The following GATAD2B variants were observed in gnomAD, a reference collection of about 807,000 sequenced individuals.
GATAD2B encodes the protein GATA zinc finger domain containing 2B.
In GATAD2B, 8 loss-of-function variants were observed where a neutral mutation model predicts 64.3. That is an observed-to-expected ratio of 0.12 (90% CI 0.07 to 0.22). The LOEUF (loss-of-function observed/expected upper bound fraction) is 0.22, where lower values mean the gene tolerates loss of function less well. Among genes scored for constraint, GATAD2B ranks in the 10% least tolerant of loss-of-function variants. The pLI, the probability that GATAD2B is intolerant of heterozygous loss-of-function variation, is 1.00. For synonymous variants in GATAD2B, 281 were observed against 271.3 expected (o/e 1.04, Z -0.35); for missense variants, 453 against 752.0 (o/e 0.60, Z 4.65).
At chr1:153,893,881 C>T (rs1677496344) in intron 1 of GATAD2B, among the ~76,000 whole-genome samples, 1 of 140,480 alleles carries the variant, frequency 7.1e-6, no homozygotes, top group Admixed American at 7.9e-5. Flanking sequence ...TCGCTTGAAC[C>T]TGGGAGGCGG....
chr1:153,916,211 G>T (rs1046861228), intron 1 of GATAD2B, among the ~76,000 whole-genome samples: 1 of 151,800 alleles, frequency 6.6e-6, no homozygotes, highest in African/African-American at 2.4e-5. Flanking sequence ...AACCCAGGAG[G>T]TGGAGGTTGC....
chr1:153,810,369 CCA>C, intron 10 of GATAD2B, 59 bp from the exon 11 acceptor site: 1 of 1,543,888 alleles, frequency 6.5e-7, no homozygotes, highest in East Asian at 2.3e-5. Flanking sequence ...ACATTCCCTT[CCA>C]CTCTACCCTC....
intron 1 of GATAD2B, among the ~76,000 whole-genome samples, chr1:153,911,833 C>A (rs915390472): frequency 6.6e-6 from 1 of 152,176 alleles, no homozygotes; most frequent in Non-Finnish European, 1.5e-5. Flanking sequence ...ATCTCACTGT[C>A]CTCCTCTAAT....
At chr1:153,922,219 C>T (rs1678465850) in intron 1 of GATAD2B, among the ~76,000 whole-genome samples, 1 of 151,562 alleles carries the variant, frequency 6.6e-6, no homozygotes, top group South Asian at 2.1e-4. Flanking sequence ...GTCCCATCCG[C>T]CCGCAAACAC....
intron 4 of GATAD2B, 72 bp from the exon 5 acceptor site, chr1:153,818,243 T>C: frequency 7.3e-7 from 1 of 1,367,968 alleles, no homozygotes; most frequent in South Asian, 1.4e-5. Flanking sequence ...TTCTAGACTT[T>C]AAAAATTCCT....
intron 2 of GATAD2B, among the ~76,000 whole-genome samples, chr1:153,823,977 G>A (rs191980128): frequency 9.3e-5 from 14 of 150,432 alleles, no homozygotes; most frequent in African/African-American, 2.7e-4. Flanking sequence ...TGATCCTCCC[G>A]CCTCGGCCTC....
At chr1:153,919,004 A>T (rs1177094406) in intron 1 of GATAD2B, among the ~76,000 whole-genome samples, 3 of 152,204 alleles carry the variant, frequency 2.0e-5, no homozygotes, top group Non-Finnish European at 4.4e-5. Flanking sequence ...TGTGAAAAAC[A>T]GTAAGAGAAT....
At chr1:153,908,137 C>T (rs1678005114) in intron 1 of GATAD2B, among the ~76,000 whole-genome samples, 1 of 152,066 alleles carries the variant, frequency 6.6e-6, no homozygotes, top group South Asian at 2.1e-4. Context: ...TACATTTTAA[C>T]ACAAACACAC....
chr1:153,875,169 C>G (rs932550977), intron 1 of GATAD2B, among the ~76,000 whole-genome samples: 19 of 151,978 alleles, frequency 1.3e-4, no homozygotes, highest in African/African-American at 4.6e-4. Context: ...TAAGCCACCA[C>G]GCCCAGCCAA....
intron 1 of GATAD2B, among the ~76,000 whole-genome samples, chr1:153,911,025 A>C (rs1678096020): frequency 6.6e-6 from 1 of 152,196 alleles, no homozygotes; most frequent in Non-Finnish European, 1.5e-5. Flanking sequence ...ATATATCTCT[A>C]AAATATTTCG....
chr1:153,845,197 G>C (rs1013502027), intron 1 of GATAD2B, among the ~76,000 whole-genome samples: 3 of 152,076 alleles, frequency 2.0e-5, no homozygotes, highest in Non-Finnish European at 2.9e-5. Flanking sequence ...CTGGCTTAAA[G>C]ACAGATATGT....
chr1:153,817,333 A>C, intron 6 of GATAD2B, 39 bp downstream of exon 6: 1 of 1,465,128 alleles, frequency 6.8e-7, no homozygotes, highest in Non-Finnish European at 9.1e-7. Context: ...AAACAAAGGG[A>C]TTTCTCTGTT....
chr1:153,902,046 T>C (rs1255686503), intron 1 of GATAD2B, among the ~76,000 whole-genome samples: 1 of 149,534 alleles, frequency 6.7e-6, no homozygotes, highest in Non-Finnish European at 1.5e-5. Flanking sequence ...TTTGGGAGGC[T>C]GAGGCAGGCG....
At chr1:153,842,829 A>G (rs902417818) in intron 1 of GATAD2B, among the ~76,000 whole-genome samples, 1 of 150,798 alleles carries the variant, frequency 6.6e-6, no homozygotes, top group Non-Finnish European at 1.5e-5. Flanking sequence ...ATTTTTTTGT[A>G]TTTTTAGTAG....
Position 153,828,173 on chromosome 1 carries a change from C to A in GATAD2B, c.175G>T (p.Val59Leu), listed in dbSNP as rs746653168. The change falls in exon 2 of 11, where the codon GTG (valine) becomes TTG (leucine). Residue 59 changes from valine to leucine, a missense_variant. This residue lies in a region of GATAD2B where 293 missense variants were observed against 417.2 expected (regional missense o/e 0.70). Coordinates refer to ENST00000368655, the MANE Select transcript of GATAD2B (RefSeq NM_020699.4). The stretch of plus-strand genomic sequence containing the variant: ...TGTTTGGTGGGTAACTCATGTGGCA[C>A]CTCAAGATTTGCCAAATCCTTCCTT... ...LKRKDLANLE[V>L]PHELPTKQDG... The A allele has an allele frequency of 1.3e-5, 21 of 1,614,178 alleles. 1 individual carries two copies. In the South Asian group the frequency reaches 2.2e-4, roughly 17 times the overall value.
intron 1 of GATAD2B, among the ~76,000 whole-genome samples, chr1:153,833,947 T>C (rs1043861855): frequency 1.3e-5 from 2 of 151,962 alleles, no homozygotes; most frequent in Non-Finnish European, 2.9e-5. Context: ...GAGACTGGCC[T>C]GGGCAACACA....
chr1:153,887,517 C>G (rs958660797), intron 1 of GATAD2B, among the ~76,000 whole-genome samples: 1 of 152,154 alleles, frequency 6.6e-6, no homozygotes, highest in African/African-American at 2.4e-5. Context: ...TGGACTAGTT[C>G]TTAACACAGA....
At chr1:153,910,232 A>G (rs1678072476) in intron 1 of GATAD2B, among the ~76,000 whole-genome samples, 1 of 152,208 alleles carries the variant, frequency 6.6e-6, no homozygotes, top group Non-Finnish European at 1.5e-5. Context: ...GTAAGCTACT[A>G]GTGATTTTCA....
chr1:153,827,601 C>A (rs1674929760), intron 2 of GATAD2B: 1 of 176,970 alleles, frequency 5.7e-6, no homozygotes, highest in Non-Finnish European at 1.2e-5. Flanking sequence ...AAGCTAGGCC[C>A]ATGTTTTTGG....
Sources: allele counts gnomAD v4.1 joint callset (sites outside exome capture counted in the v4.1 genomes callset), GRCh38; gene constraint gnomAD v4.1.1; regional missense constraint gnomAD v4.1.1; transcripts MANE v1.5; gene names NCBI Gene and HGNC (gene_info 2026-07-23, HGNC 2026-07-21).